IPO8: variants seen among roughly 807,000 people sequenced by gnomAD.
The protein encoded by IPO8 is importin-8.
IPO8 carries 65 observed loss-of-function variants against 141.2 expected under a neutral mutation model. The observed-to-expected ratio is 0.46, with a 90% CI of 0.38 to 0.57. The LOEUF is 0.57. Ranked by LOEUF, IPO8 falls within the 20% of genes least tolerant of loss-of-function variation. The pLI is 0.00. For synonymous variants in IPO8, 411 were observed against 420.3 expected, an observed-to-expected ratio of 0.98 and a Z score of 0.27; for missense variants, 980 against 1,246.8, an observed-to-expected ratio of 0.79 and a Z score of 3.22.
intron 9 of IPO8, among the ~76,000 whole-genome samples, chr12:30,669,491 T>C (rs1256196286): frequency 2.0e-5 from 3 of 152,120 alleles, no homozygotes; most frequent in Non-Finnish European, 4.4e-5. Context: ...TAAATGTCCA[T>C]GTATTAACAA....
intron 20 of IPO8, among the ~76,000 whole-genome samples, chr12:30,643,758 C>G (rs2136131438): frequency 6.6e-6 from 1 of 152,352 alleles, no homozygotes; most frequent in East Asian, 1.9e-4. Flanking sequence ...ACATCCACTT[C>G]CCCTTTGACC....
At chr12:30,634,438 A>C in intron 22 of IPO8, 152 bp from the exon 23 acceptor site, 1 of 599,580 alleles carries the variant, frequency 1.7e-6, no homozygotes, top group East Asian at 2.8e-5. Context: ...TCCCTGGTCT[A>C]AAGAGGAGAG....
chr12:30,657,908 A>G (rs1430228093), intron 16 of IPO8, among the ~76,000 whole-genome samples: 2 of 152,330 alleles, frequency 1.3e-5, no homozygotes, highest in Non-Finnish European at 2.9e-5. Context: ...CTGGTTTAAA[A>G]AAAAGGAAAA....
chr12:30,630,812 G>A lies in IPO8; in HGVS notation c.*48C>T. On this transcript the variant is annotated 3_prime_UTR_variant, in exon 25 of 25. Coordinates refer to ENST00000256079, the MANE Select transcript of IPO8 (RefSeq NM_006390.4). ...TCCCCTTGACCCTCACACTCCTCTTGTGAAATAAAATGCAGCGATGACATT... is the reference window on the plus strand; with the variant it reads ...TCCCCTTGACCCTCACACTCCTCTTATGAAATAAAATGCAGCGATGACATT... The A allele has an allele frequency of 6.8e-7, 1 of 1,480,376 alleles. No individual in the cohort carries two copies. The highest frequency in any genetic ancestry group is 1.1e-5 in the South Asian group (1 of 87,418). 91.7% of individuals were successfully genotyped at this position (1,480,376 alleles called of 1,614,324 possible). A position where few individuals can be genotyped will look rare whatever the true frequency, so the allele number is the denominator to read the frequency against.
chr12:30,663,612 T>C lies in IPO8; in HGVS notation c.1471A>G (p.Asn491Asp), dbSNP rs1190006250. The change falls in exon 14 of 25, where the codon AAT becomes GAT. Residue 491 changes from asparagine to aspartate, a missense_variant. Around this residue, in one of 3 missense-constraint regions of IPO8, gnomAD observed 924 missense variants for 1,153.9 expected, o/e 0.80. Transcript: ENST00000256079. ...LHAFSSLKFH[N>D]ELNLRNAVEL... is the part of the protein sequence containing the mutation. Reference sequence around the variant, plus strand: ...ACGGCATTTCTTAGATTGAGCTCATTATGGAACTTCAAAGAACTAAATGCA... The same window carrying C: ...ACGGCATTTCTTAGATTGAGCTCATCATGGAACTTCAAAGAACTAAATGCA... 1 of 1,612,778 alleles carries C rather than the reference T, an allele frequency of 6.2e-7. No individual in the cohort carries two copies. The highest frequency in any genetic ancestry group is 1.6e-4 in the Middle Eastern group (1 of 6,062).
At chr12:30,631,156 G>A (rs2052426581) in intron 24 of IPO8, among the ~76,000 whole-genome samples, 199 bp from the exon 25 acceptor site, 2 of 152,092 alleles carry the variant, frequency 1.3e-5, no homozygotes, top group Non-Finnish European at 2.9e-5. Flanking sequence ...CACTACCATC[G>A]GAAAATCTGC....
intron 18 of IPO8, 23 bp from the exon 19 acceptor site, chr12:30,652,312 A>G: frequency 1.5e-6 from 2 of 1,324,600 alleles, no homozygotes; most frequent in Middle Eastern, 1.8e-4. Context: ...CAAAATCCCA[A>G]TGAGACTTGA....
rs1005456359 is a variant in IPO8, at chr12:30,637,210, A to G, written c.2490-23T>C. ...TGCCTGCAAATTTTGAAGAAAAAAA[A>G]AATGTAGACATGAGAAGTGGAATAA... On this transcript the variant is annotated intron_variant, in intron 21 of 24. Coordinates refer to ENST00000256079, the MANE Select transcript of IPO8 (RefSeq NM_006390.4). The G allele has an allele frequency of 4.5e-6, 7 of 1,563,546 alleles. No homozygotes were observed. In the African/African-American group the frequency reaches 9.5e-5, roughly 21 times the overall value.
chr12:30,695,603 G>A lies in IPO8; in HGVS notation c.45C>T (p.Asp15=). 1 of 1,614,134 alleles carries A rather than the reference G, an allele frequency of 6.2e-7. No individual in the cohort carries two copies. The highest frequency in any genetic ancestry group is 8.5e-7 in the Non-Finnish European group (1 of 1,179,974). Residue 15 remains aspartate, a synonymous_variant, in exon 1 of 25, where the codon GAC becomes GAT. Transcript: ENST00000256079. This position sits in a 1 kb window ranked among gnomAD's most constrained non-coding sequence, Gnocchi z 4.2. ...TCTCGGCTGCAATCCGCAACTTCGG[G>A]TCGATGGTGCCCTTCAGCGCCTGGA... The part of the protein sequence containing the change: ...RIIQALKGTI[D]PKLRIAAENE...
At position 30,630,776 on chromosome 12, in the gene IPO8, C is replaced by A. The variant is rs540693471; in HGVS notation, c.*84G>T. ...ACAGCAGGAGGGCCCTAAAAGCAGC[C>A]CCTCATTTCATCCCCTTGACCCTCA... On this transcript the variant is annotated 3_prime_UTR_variant, in exon 25 of 25. Coordinates refer to ENST00000256079, the MANE Select transcript of IPO8 (RefSeq NM_006390.4). 8.3e-6 allele frequency: 9 copies of A among 1,082,924 alleles called. No homozygotes were observed. Among genetic ancestry groups the A allele is most frequent in the Non-Finnish European group, 1.1e-5 (8 of 723,536 alleles). The allele number at this position is 1,082,924 out of a possible 1,614,324, so 67.1% of individuals were successfully genotyped here.
At chr12:30,678,132 A>C (rs957167368) in intron 5 of IPO8, among the ~76,000 whole-genome samples, 1 of 152,120 alleles carries the variant, frequency 6.6e-6, no homozygotes, top group Non-Finnish European at 1.5e-5. Flanking sequence ...CTCAAAAAAA[A>C]AAAAAAAAAA....
intron 10 of IPO8, among the ~76,000 whole-genome samples, chr12:30,668,057 A>C (rs533444825): frequency 3.2e-3 from 383 of 119,952 alleles, no homozygotes; most frequent in Non-Finnish European, 4.7e-3. Context: ...TGGAACAAAA[A>C]AAAGAGAGAG....
In IPO8 at chr12:30,656,789, T is replaced by A. The variant is rs117877623; in HGVS notation, c.1882-39A>T. ...TTAAATATTAAGCTTAAAATTATCATAATTAATACATAAATTTAATATTGT... is the reference window on the plus strand; with the variant it reads ...TTAAATATTAAGCTTAAAATTATCAAAATTAATACATAAATTTAATATTGT... On this transcript the variant is annotated intron_variant, in intron 16 of 24. Transcript: ENST00000256079. 0.015 allele frequency: 14,006 copies of A among 941,984 alleles called. 167 individuals are homozygous for A. Among genetic ancestry groups the A allele is most frequent in the Non-Finnish European group, 0.017 (10,812 of 637,406 alleles). 58.4% of individuals were successfully genotyped at this position (941,984 alleles called of 1,614,324 possible). A position where few individuals can be genotyped will look rare whatever the true frequency, so the allele number is the denominator to read the frequency against.
At position 30,656,581 on chromosome 12, in the gene IPO8, C is replaced by T. The variant is rs532645438; in HGVS notation, c.1948+103G>A. 108 of 600,264 alleles carry T rather than the reference C, an allele frequency of 1.8e-4. No homozygotes were observed. In the African/African-American group the frequency reaches 1.9e-3, roughly 10 times the overall value. The allele number at this position is 600,264 out of a possible 1,614,324, so 37.2% of individuals were successfully genotyped here. The stretch of plus-strand genomic sequence containing the variant: ...TTGAAGTGATTATGCTTCTCTTTCT[C>T]AAAATTGTCCATCTTGTTAAATCTG... On this transcript the variant is annotated intron_variant, in intron 17 of 24. Coordinates refer to ENST00000256079, the MANE Select transcript of IPO8 (RefSeq NM_006390.4).
At chr12:30,673,890 T>C in intron 8 of IPO8, 100 bp downstream of exon 8, 1 of 635,428 alleles carries the variant, frequency 1.6e-6, no homozygotes, top group Non-Finnish European at 2.7e-6. Context: ...TCTATAAATA[T>C]GTAATGAATT....
In IPO8 at chr12:30,662,371, T is replaced by A. The variant is rs370360533; in HGVS notation, c.1711A>T (p.Ser571Cys). 5 of 1,613,930 alleles carry A rather than the reference T, an allele frequency of 3.1e-6. No homozygotes were observed. In the East Asian group the frequency reaches 8.9e-5, roughly 29 times the overall value. ...ACAGCAATTGAGGCTACCTCTTGACTGTATTCACATATCATCTTCTGGATG... is the reference window on the plus strand; with the variant it reads ...ACAGCAATTGAGGCTACCTCTTGACAGTATTCACATATCATCTTCTGGATG... ...NVIQKMICEY[S>C]QEVASIAVDM... The change falls in exon 15 of 25, where the codon AGT becomes TGT. Residue 571 changes from serine to cysteine, a missense_variant. Ser to Cys is a moderately radical substitution (Grantham distance 112). Coordinates refer to ENST00000256079, the MANE Select transcript of IPO8 (RefSeq NM_006390.4).
rs1371553033 is a variant in IPO8, at chr12:30,631,977, C to G, written c.2934G>C (p.Leu978=). ...GATCCTCGCTGAGTGGTGCCATCAG[C>G]AGCTGGTACCAGGCTGCATCTCGAC... ...VQSRDAAWYQ[L]LMAPLSEDQR... The change falls in exon 24 of 25, where the codon CTG becomes CTC. Residue 978 remains leucine, a synonymous_variant. Transcript: ENST00000256079. The G allele has an allele frequency of 1.9e-6, 3 of 1,612,916 alleles. No homozygotes were observed. The highest frequency in any genetic ancestry group is 2.2e-5 in the South Asian group (2 of 91,050).
At position 30,684,554 on chromosome 12, in the gene IPO8, C is replaced by A; in HGVS notation, c.167-97G>T. 3.4e-6 allele frequency: 4 copies of A among 1,191,952 alleles called. No individual in the cohort carries two copies. The South Asian group carries it at 4.4e-5, about 13-fold the overall frequency. 73.8% of individuals were successfully genotyped at this position (1,191,952 alleles called of 1,614,324 possible). ...AAAGTCCAAACCCTTCAATGTTAAA[C>A]ATGAAACCCAGCAAAAATGGATACT... On this transcript the variant is annotated intron_variant, in intron 2 of 24. Coordinates refer to ENST00000256079, the MANE Select transcript of IPO8 (RefSeq NM_006390.4).
intron 8 of IPO8, among the ~76,000 whole-genome samples, 158 bp downstream of exon 8, chr12:30,673,803 CTAAAACTAATTGCACTGGAAACTTGGTTT>C: frequency 6.6e-6 from 1 of 152,262 alleles, no homozygotes; most frequent in Middle Eastern, 3.4e-3. Context: ...ACATTTGGTT[CTAAAACTAATTGCACTGGAAACTTGGTTT>C]TAAAACTAAT....
Sources: allele counts gnomAD v4.1 joint callset (sites outside exome capture counted in the v4.1 genomes callset), GRCh38; gene constraint gnomAD v4.1.1; regional missense constraint gnomAD v4.1.1; non-coding constraint Gnocchi (gnomAD v3.1); transcripts MANE v1.5; gene names NCBI Gene and HGNC (gene_info 2026-07-23, HGNC 2026-07-21).